Variants in ARHGEF17 observed in about 807,000 individuals in gnomAD.
The protein encoded by ARHGEF17 is Rho guanine nucleotide exchange factor 17.
ARHGEF17 carries 80 observed loss-of-function variants against 174.0 expected under a neutral mutation model. That is an observed-to-expected ratio of 0.46 (90% CI 0.38 to 0.55). The LOEUF (loss-of-function observed/expected upper bound fraction) is 0.55. Ranked by LOEUF, ARHGEF17 falls within the 20% of genes least tolerant of loss-of-function variation. The probability of loss-of-function intolerance (pLI) is 0.00; values close to 1 mark genes in which losing one functional copy is unlikely to be tolerated. For synonymous variants in ARHGEF17, 1,311 were observed against 1,189.1 expected (o/e 1.10, Z -2.11); for missense variants, 2,886 against 2,839.7 (o/e 1.02, Z -0.37).
At chr11:73,360,065 A>C in intron 10 of ARHGEF17, 113 bp downstream of exon 10, 1 of 1,149,614 alleles carries the variant, frequency 8.7e-7, no homozygotes, top group Non-Finnish European at 1.2e-6. Flanking sequence ...CCTTTCCCTC[A>C]TCTGAAGGCA....
chr11:73,322,656 T>G (rs1865034986), intron 1 of ARHGEF17, among the ~76,000 whole-genome samples: 1 of 151,966 alleles, frequency 6.6e-6, no homozygotes, highest in African/African-American at 2.4e-5. Context: ...GAGGTCTCAG[T>G]TTGACCAGAG....
At chr11:73,359,744 T>G (rs1212208307) in intron 9 of ARHGEF17, 90 bp from the exon 10 acceptor site, 1 of 1,118,158 alleles carries the variant, frequency 8.9e-7, no homozygotes, top group African/African-American at 1.6e-5. Context: ...CCGGCCCAGC[T>G]GCAGGCTATG....
intron 17 of ARHGEF17, 23 bp from the exon 18 acceptor site, chr11:73,364,429 C>T (rs907812425): frequency 1.2e-6 from 2 of 1,612,882 alleles, no homozygotes; most frequent in African/African-American, 2.7e-5. Context: ...AGTGAATTTC[C>T]TGTTTTCTTT....
At chr11:73,360,638 C>T (rs1865723396) in intron 11 of ARHGEF17, 105 bp downstream of exon 11, 9 of 1,229,712 alleles carry the variant, frequency 7.3e-6, no homozygotes, top group Admixed American at 1.9e-5. Flanking sequence ...CCGCAGTGCC[C>T]TGTGCTCCGG....
chr11:73,356,799 C>T, intron 7 of ARHGEF17, 40 bp downstream of exon 7: 1 of 1,613,574 alleles, frequency 6.2e-7, no homozygotes, highest in Non-Finnish European at 8.5e-7. Flanking sequence ...GTCCCCACCT[C>T]CTCACTTTGT....
chr11:73,336,261 A>T (rs1254772130), intron 1 of ARHGEF17, among the ~76,000 whole-genome samples: 1 of 152,212 alleles, frequency 6.6e-6, no homozygotes, highest in Admixed American at 6.5e-5. Context: ...AAATGGCCAT[A>T]ACAGGAATAC....
At position 73,367,690 on chromosome 11, in the gene ARHGEF17, G is replaced by A. The variant is rs1039213069; in HGVS notation, c.6102G>A (p.Glu2034=). 18 of 1,614,026 alleles carry A rather than the reference G, an allele frequency of 1.1e-5. No individual in the cohort carries two copies. The highest frequency in any genetic ancestry group is 1.4e-5 in the Non-Finnish European group (17 of 1,180,026). The change falls in exon 21 of 21, where the codon GAG becomes GAA. Residue 2034 remains glutamate (E), a synonymous_variant. Coordinates refer to ENST00000263674, the MANE Select transcript of ARHGEF17 (RefSeq NM_014786.4). ...TTATCAGTGGAGGTGATGGCTATGA[G>A]GACTTCCGACTCAGCAGTGGGGGCG... is the stretch of plus-strand genomic sequence containing the variant. ...MLVISGGDGY[E]DFRLSSGGGS...
chr11:73,357,071 A>C lies in ARHGEF17; in HGVS notation c.3938A>C (p.Asp1313Ala). Residue 1313 changes from aspartate to alanine, a missense_variant, in exon 8 of 21, where the codon GAC becomes GCC. By Grantham distance (126) the Asp-to-Ala change is moderately radical. This residue lies in a region of ARHGEF17 where 353 missense variants were observed against 470.3 expected (regional missense o/e 0.75). Coordinates refer to ENST00000263674, the MANE Select transcript of ARHGEF17 (RefSeq NM_014786.4). ...GACCGGTCTCTCTTCCTGTTCACGG[A>C]CCTCATCGTCTGCACCACTCTGAAG... ...KKDRSLFLFT[D>A]LIVCTTLKRK... The C allele has an allele frequency of 1.2e-6, 2 of 1,614,014 alleles. No individual in the cohort carries two copies. The highest frequency in any genetic ancestry group is 1.7e-6 in the Non-Finnish European group (2 of 1,179,990).
chr11:73,364,280 T>C (rs1865800392), intron 17 of ARHGEF17, 41 bp downstream of exon 17: 1 of 1,609,114 alleles, frequency 6.2e-7, no homozygotes, highest in Non-Finnish European at 8.5e-7. Context: ...CCTGTCCCCT[T>C]ACTGGTGTTG....
At chr11:73,343,253 C>T (rs966195951) in intron 1 of ARHGEF17, 1 of 398,658 alleles carries the variant, frequency 2.5e-6, no homozygotes, top group Non-Finnish European at 4.4e-6. Context: ...GCAGCACTGA[C>T]GCCGAGGAGC....
chr11:73,360,428 T>C lies in ARHGEF17; in HGVS notation c.4315T>C (p.Cys1439Arg), dbSNP rs1237318131. ...CTTCCCGCCAACCAAGCTGGAGCTGTGCGCCACTCGGCCCGAGGGCACCGA... is the reference window on the plus strand; with the variant it reads ...CTTCCCGCCAACCAAGCTGGAGCTGCGCGCCACTCGGCCCGAGGGCACCGA... ...LSFPPTKLEL[C>R]ATRPEGTDSY... The change falls in exon 11 of 21, where the codon TGC (cysteine) becomes CGC (arginine). Residue 1439 changes from cysteine (C) to arginine (R), a missense_variant. Coordinates refer to ENST00000263674, the MANE Select transcript of ARHGEF17 (RefSeq NM_014786.4). The C allele has an allele frequency of 1.2e-6, 2 of 1,614,008 alleles. No individual in the cohort carries two copies. Among genetic ancestry groups the C allele is most frequent in the Admixed American group, 3.3e-5 (2 of 60,036 alleles).
chr11:73,327,826 T>G (rs1176099074), intron 1 of ARHGEF17, among the ~76,000 whole-genome samples: 1 of 149,626 alleles, frequency 6.7e-6, no homozygotes, highest in Admixed American at 6.6e-5. Flanking sequence ...AGTGTAATGG[T>G]TAGAACAGAC....
At position 73,352,882 on chromosome 11, in the gene ARHGEF17, C is replaced by T. The variant is rs755169210; in HGVS notation, c.3323C>T (p.Ser1108Leu). Residue 1108 changes from serine to leucine, a missense_variant, in exon 3 of 21, where the codon TCA becomes TTA. By Grantham distance (145) the Ser-to-Leu change is moderately radical. Around this residue, in one of 4 missense-constraint regions of ARHGEF17, gnomAD observed 353 missense variants for 470.3 expected, o/e 0.75. Coordinates refer to ENST00000263674, the MANE Select transcript of ARHGEF17 (RefSeq NM_014786.4). ...GAGAACTCCGTGCTCTGTGACCCTTCACTGGTGGACGAGATCTTCGACCAG... is the reference window on the plus strand; with the variant it reads ...GAGAACTCCGTGCTCTGTGACCCTTTACTGGTGGACGAGATCTTCGACCAG... ...QPENSVLCDPSLVDEIFDQIP... is the reference protein window; with the variant it reads ...QPENSVLCDPLLVDEIFDQIP... 5 of 1,614,128 alleles carry T rather than the reference C, an allele frequency of 3.1e-6. No homozygotes were observed. The East Asian group carries it at 6.7e-5, about 22-fold the overall frequency.
intron 18 of ARHGEF17, 123 bp downstream of exon 18, chr11:73,364,723 C>T: frequency 3.1e-6 from 4 of 1,301,770 alleles, no homozygotes; most frequent in East Asian, 2.5e-5. Context: ...CTTCCTCTGA[C>T]CACAGAGTGA....
chr11:73,319,536 C>T (rs1226470658), intron 1 of ARHGEF17, among the ~76,000 whole-genome samples: 1 of 152,150 alleles, frequency 6.6e-6, no homozygotes, highest in Non-Finnish European at 1.5e-5. Context: ...ATGCCAGGGC[C>T]ATTATTCTTT....
intron 1 of ARHGEF17, among the ~76,000 whole-genome samples, chr11:73,343,609 T>C (rs992227158): frequency 3.3e-5 from 5 of 152,118 alleles, no homozygotes; most frequent in African/African-American, 1.2e-4. Context: ...CCCTGGTGTA[T>C]GTGTGTGCTG....
At chr11:73,340,759 C>T (rs1865355468) in intron 1 of ARHGEF17, among the ~76,000 whole-genome samples, 1 of 152,246 alleles carries the variant, frequency 6.6e-6, no homozygotes, top group Non-Finnish European at 1.5e-5. Context: ...GACCACCACT[C>T]TGCATGTGCT....
At position 73,360,363 on chromosome 11, in the gene ARHGEF17, G is replaced by T. The variant is rs753047877; in HGVS notation, c.4250G>T (p.Arg1417Leu). 6.8e-6 allele frequency: 11 copies of T among 1,613,756 alleles called. No individual in the cohort carries two copies. The Admixed American group carries it at 1.8e-4, about 27-fold the overall frequency. ...ALRDLSAAMH[R>L]DLSEKQALCY... ...CGGGACCTCTCAGCTGCCATGCACC[G>T]GGACCTGTCGGAGAAGCAGGCGCTG... The change falls in exon 11 of 21, where the codon CGG becomes CTG. Residue 1417 changes from arginine (R) to leucine (L), a missense_variant. Arg to Leu is a moderately radical substitution (Grantham distance 102, BLOSUM62 -2). Coordinates refer to ENST00000263674, the MANE Select transcript of ARHGEF17 (RefSeq NM_014786.4).
intron 1 of ARHGEF17, among the ~76,000 whole-genome samples, chr11:73,344,056 G>C (rs999190076): frequency 2.0e-5 from 3 of 152,198 alleles, no homozygotes; most frequent in Non-Finnish European, 4.4e-5. Context: ...TCCCAGGAGT[G>C]GCCCCCTCTG....
Sources: gnomAD v4.1 joint callset for allele counts (sites outside exome capture counted in the v4.1 genomes callset) on GRCh38, gnomAD v4.1.1 for gene constraint, gnomAD v4.1.1 regional missense constraint, MANE v1.5 for transcripts, NCBI Gene and HGNC (gene_info 2026-07-23, HGNC 2026-07-21) for gene names.